Variants in PKD1L1 observed in about 807,000 individuals in gnomAD.
PKD1L1 encodes polycystin-1-like protein 1.
A neutral mutation model predicts 323.4 loss-of-function variants in PKD1L1; 236 were observed. The ratio of observed to expected loss-of-function variants is 0.73; its 90% CI spans 0.66 to 0.81. PKD1L1 has a LOEUF of 0.81. Among genes scored for constraint, PKD1L1 ranks in the 40% least tolerant of loss-of-function variants. The probability of loss-of-function intolerance (pLI) is 0.00; values close to 1 mark genes in which losing one functional copy is unlikely to be tolerated. For missense variants in PKD1L1, 3,320 were observed against 3,508.0 expected (o/e 0.95, Z 1.35); for synonymous variants, 1,344 against 1,335.0 (o/e 1.01, Z -0.15).
At chr7:47,866,757 T>C in intron 24 of PKD1L1, 143 bp from the exon 25 acceptor site, 1 of 634,330 alleles carries the variant, frequency 1.6e-6, no homozygotes, top group Non-Finnish European at 2.6e-6. Flanking sequence ...AAAGGAGAAT[T>C]GGTCTGTGCA....
chr7:47,931,429 A>G (rs1216389095), intron 5 of PKD1L1, 108 bp from the exon 6 acceptor site: 1 of 1,178,364 alleles, frequency 8.5e-7, no homozygotes, highest in African/African-American at 1.5e-5. Flanking sequence ...CCCCACTGCT[A>G]CTGAGGTCTC....
At chr7:47,837,786 G>A (rs1785488512) in intron 36 of PKD1L1, among the ~76,000 whole-genome samples, 2 of 152,156 alleles carry the variant, frequency 1.3e-5, no homozygotes, top group Non-Finnish European at 2.9e-5. Context: ...TTTAAATAAT[G>A]CGTGGGGCTC....
intron 7 of PKD1L1, among the ~76,000 whole-genome samples, chr7:47,927,414 C>A (rs981146252): frequency 3.3e-5 from 5 of 151,956 alleles, no homozygotes; most frequent in African/African-American, 1.2e-4. Flanking sequence ...AAGTAGGGCG[C>A]GCCACCACGC....
At chr7:47,913,581 TAA>T (rs1787368041) in intron 8 of PKD1L1, among the ~76,000 whole-genome samples, 1 of 152,058 alleles carries the variant, frequency 6.6e-6, no homozygotes, top group African/African-American at 2.4e-5. Context: ...TCTGGTCTTT[TAA>T]AAGTGTGTGG....
intron 47 of PKD1L1, among the ~76,000 whole-genome samples, chr7:47,814,244 G>A (rs771350793): frequency 6.6e-6 from 1 of 152,168 alleles, no homozygotes; most frequent in Non-Finnish European, 1.5e-5. Flanking sequence ...AATGGTGTTC[G>A]TAACTTTCGT....
chr7:47,856,875 T>C (rs1161940285), intron 28 of PKD1L1, among the ~76,000 whole-genome samples: 1 of 152,118 alleles, frequency 6.6e-6, no homozygotes, highest in Non-Finnish European at 1.5e-5. Context: ...GGTCACCAAA[T>C]GAGCCACGTA....
intron 24 of PKD1L1, among the ~76,000 whole-genome samples, chr7:47,870,743 T>C (rs541965734): frequency 1.3e-5 from 2 of 152,100 alleles, no homozygotes; most frequent in African/African-American, 4.8e-5. Flanking sequence ...ACACACTTGT[T>C]ATCCCAGCAC....
chr7:47,923,105 T>C (rs1787586603), intron 7 of PKD1L1, among the ~76,000 whole-genome samples: 1 of 152,062 alleles, frequency 6.6e-6, no homozygotes, highest in African/African-American at 2.4e-5. Flanking sequence ...GTGCAAGGTG[T>C]GCTTTGTTAA....
chr7:47,902,537 GAACA>G (rs1562981842), intron 12 of PKD1L1, 26 bp from the exon 13 acceptor site: 1 of 1,608,896 alleles, frequency 6.2e-7, no homozygotes, highest in Admixed American at 1.7e-5. Flanking sequence ...GCACAGAAAT[GAACA>G]AATTTATGTT....
At chr7:47,831,417 T>A (rs570718509) in intron 41 of PKD1L1, 65 bp from the exon 42 acceptor site, 3 of 1,540,134 alleles carry the variant, frequency 1.9e-6, no homozygotes, top group Non-Finnish European at 2.6e-6. Flanking sequence ...CCACGCGGAG[T>A]GTGGTGGTGA....
intron 7 of PKD1L1, among the ~76,000 whole-genome samples, chr7:47,923,385 G>A (rs1042615163): frequency 2.6e-5 from 4 of 151,576 alleles, no homozygotes; most frequent in South Asian, 4.2e-4. Context: ...GACTCAGGGG[G>A]AAAGGGTGGG....
At position 47,905,876 on chromosome 7, in the gene PKD1L1, A is replaced by G; in HGVS notation, c.1489T>C (p.Trp497Arg). 1 of 1,613,606 alleles carries G rather than the reference A, an allele frequency of 6.2e-7. No individual in the cohort carries two copies. Among genetic ancestry groups the G allele is most frequent in the Non-Finnish European group, 8.5e-7 (1 of 1,179,940 alleles). ...SQTQVGDSQA[W>R]HSMTVWYKMQ... ...TTATACCAGACAGTCATGCTGTGCC[A>G]AGCCTGGCTGTCACCCACTTGAGTC... Residue 497 changes from tryptophan to arginine, a missense_variant, in exon 10 of 57, where the codon TGG becomes CGG. Physicochemically the swap from Trp to Arg is moderately radical, Grantham distance 101. Coordinates refer to ENST00000289672, the MANE Select transcript of PKD1L1 (RefSeq NM_138295.5).
intron 31 of PKD1L1, among the ~76,000 whole-genome samples, chr7:47,847,404 G>A (rs1438968924): frequency 6.6e-6 from 1 of 152,202 alleles, no homozygotes; most frequent in African/African-American, 2.4e-5. Context: ...GGATGGAAGA[G>A]GGTTGAGTCA....
intron 55 of PKD1L1, 60 bp downstream of exon 55, chr7:47,795,929 T>C: frequency 6.4e-7 from 1 of 1,551,764 alleles, no homozygotes; most frequent in Non-Finnish European, 8.7e-7. Flanking sequence ...AATTCTGCAA[T>C]GAAACCATCA....
intron 56 of PKD1L1, among the ~76,000 whole-genome samples, chr7:47,785,829 C>T (rs575917715): frequency 7.9e-5 from 12 of 151,656 alleles, no homozygotes; most frequent in African/African-American, 2.9e-4. Flanking sequence ...GCAACCTCTG[C>T]CTCCCGGGTT....
At chr7:47,848,433 G>A (rs1375484704) in intron 31 of PKD1L1, among the ~76,000 whole-genome samples, 2 of 152,208 alleles carry the variant, frequency 1.3e-5, no homozygotes, top group African/African-American at 2.4e-5. Context: ...GCAAATGAGT[G>A]TAAGAAATAA....
chr7:47,791,597 C>T (rs771647711), intron 56 of PKD1L1, among the ~76,000 whole-genome samples: 1 of 152,028 alleles, frequency 6.6e-6, no homozygotes, highest in African/African-American at 2.4e-5. Flanking sequence ...ACTGCTTTTT[C>T]CTGAAGCAGA....
At chr7:47,941,399 T>C (rs1379540733) in intron 2 of PKD1L1, among the ~76,000 whole-genome samples, 1 of 152,226 alleles carries the variant, frequency 6.6e-6, no homozygotes. Context: ...TTCCAATCCC[T>C]GCACCCCAGC....
At chr7:47,844,884 G>C (rs1246302756) in intron 33 of PKD1L1, 111 bp downstream of exon 33, 5 of 737,846 alleles carry the variant, frequency 6.8e-6, no homozygotes, top group Non-Finnish European at 1.1e-5. Context: ...AAAATGCAAT[G>C]ATAGTAAGTA....
Sources: gnomAD v4.1 joint callset for allele counts (sites outside exome capture counted in the v4.1 genomes callset) on GRCh38, gnomAD v4.1.1 for gene constraint, MANE v1.5 for transcripts, NCBI Gene and HGNC (gene_info 2026-07-23, HGNC 2026-07-21) for gene names.